The following ADAMTS6 variants were observed in gnomAD, a reference collection of about 807,000 sequenced individuals.
ADAMTS6 encodes A disintegrin and metalloproteinase with thrombospondin motifs 6.
ADAMTS6 carries 23 observed loss-of-function variants against 144.3 expected under a neutral mutation model. The observed-to-expected ratio is 0.16, with a 90% CI of 0.11 to 0.23. ADAMTS6 has a LOEUF of 0.23. Ranked by LOEUF, ADAMTS6 falls within the 10% of genes least tolerant of loss-of-function variation. The probability of loss-of-function intolerance (pLI) is 1.00; values close to 1 mark genes in which losing one functional copy is unlikely to be tolerated. For missense variants in ADAMTS6, 999 were observed against 1,379.6 expected (o/e 0.72, Z 4.37); for synonymous variants, 444 against 457.5 (o/e 0.97, Z 0.38).
chr5:65,386,223 CT>C (rs2150141362), intron 7 of ADAMTS6, among the ~76,000 whole-genome samples: 2 of 152,046 alleles, frequency 1.3e-5, no homozygotes, highest in African/African-American at 4.8e-5. Context: ...TCACATTTTT[CT>C]TTTTTTAAAA....
chr5:65,261,311 A>G (rs995529455), intron 13 of ADAMTS6, among the ~76,000 whole-genome samples: 6 of 152,212 alleles, frequency 3.9e-5, no homozygotes, highest in Admixed American at 1.3e-4. Context: ...TTTGACTAAT[A>G]TAAGTTAATC....
chr5:65,345,330 A>AT (rs1268432743), intron 7 of ADAMTS6, among the ~76,000 whole-genome samples: 1 of 151,830 alleles, frequency 6.6e-6, no homozygotes, highest in Non-Finnish European at 1.5e-5. Flanking sequence ...GAAAAAAATT[A>AT]TTTTTGAAGT....
At chr5:65,351,050 C>T (rs539270057) in intron 7 of ADAMTS6, among the ~76,000 whole-genome samples, 7 of 152,280 alleles carry the variant, frequency 4.6e-5, no homozygotes, top group African/African-American at 1.7e-4. Context: ...TTTCATAATT[C>T]TAATTTCAAA....
chr5:65,270,451 G>A (rs150564053), intron 12 of ADAMTS6, among the ~76,000 whole-genome samples: 26 of 152,282 alleles, frequency 1.7e-4, no homozygotes, highest in East Asian at 1.2e-3. Flanking sequence ...TTTTGCTCAC[G>A]TGTCTAGTTC....
chr5:65,433,076 T>C (rs977536084), intron 7 of ADAMTS6, among the ~76,000 whole-genome samples: 2 of 152,114 alleles, frequency 1.3e-5, no homozygotes, highest in Non-Finnish European at 2.9e-5. Flanking sequence ...ATGCACTGCC[T>C]TCTTCTTGAG....
chr5:65,460,426 C>G, intron 3 of ADAMTS6, 88 bp from the exon 4 acceptor site: 7 of 1,215,182 alleles, frequency 5.8e-6, no homozygotes, highest in African/African-American at 1.5e-5. Flanking sequence ...AGTAAATGGA[C>G]ACTTCTCCAT....
chr5:65,357,714 A>T (rs915905072), intron 7 of ADAMTS6, among the ~76,000 whole-genome samples: 1 of 151,878 alleles, frequency 6.6e-6, no homozygotes, highest in African/African-American at 2.4e-5. Context: ...GAAAAATTAT[A>T]TGGCAGCAAA....
chr5:65,313,588 A>C (rs913744491), intron 9 of ADAMTS6, among the ~76,000 whole-genome samples: 1 of 152,054 alleles, frequency 6.6e-6, no homozygotes, highest in Non-Finnish European at 1.5e-5. Flanking sequence ...AATCTGAAAA[A>C]TCTAAAAATT....
At chr5:65,348,626 A>C (rs1311807816) in intron 7 of ADAMTS6, among the ~76,000 whole-genome samples, 1 of 152,156 alleles carries the variant, frequency 6.6e-6, no homozygotes, top group Non-Finnish European at 1.5e-5. Flanking sequence ...ATATTTAAAA[A>C]TTACTAAGGA....
At chr5:65,449,836 A>C (rs1379504751) in intron 7 of ADAMTS6, among the ~76,000 whole-genome samples, 1 of 152,146 alleles carries the variant, frequency 6.6e-6, no homozygotes, top group African/African-American at 2.4e-5. Context: ...GTACTCTACT[A>C]CTTGAATACC....
chr5:65,290,243 G>T (rs1561383837), intron 11 of ADAMTS6, among the ~76,000 whole-genome samples: 2 of 152,094 alleles, frequency 1.3e-5, no homozygotes, highest in African/African-American at 4.8e-5. Flanking sequence ...GGATTTAAAA[G>T]ACTATTTGCA....
chr5:65,455,872 GTTA>G (rs1249385118), intron 4 of ADAMTS6, among the ~76,000 whole-genome samples: 1 of 151,708 alleles, frequency 6.6e-6, no homozygotes, highest in Non-Finnish European at 1.5e-5. Flanking sequence ...CATCATCTTT[GTTA>G]TTGTCAAAAT....
chr5:65,406,461 G>T (rs544349212), intron 7 of ADAMTS6, among the ~76,000 whole-genome samples: 1 of 152,032 alleles, frequency 6.6e-6, no homozygotes, highest in Non-Finnish European at 1.5e-5. Flanking sequence ...ATTGATTTGC[G>T]TATGTTAAAC....
chr5:65,375,056 T>C (rs1286746098), intron 7 of ADAMTS6, among the ~76,000 whole-genome samples: 1 of 152,186 alleles, frequency 6.6e-6, no homozygotes, highest in Non-Finnish European at 1.5e-5. Flanking sequence ...TGGCTAGCCA[T>C]ATGTAGAAAG....
At chr5:65,220,098 C>A (rs926149672) in intron 18 of ADAMTS6, among the ~76,000 whole-genome samples, 4 of 152,042 alleles carry the variant, frequency 2.6e-5, no homozygotes, top group African/African-American at 9.7e-5. Flanking sequence ...TGCACATGTG[C>A]TAGACTATAA....
intron 13 of ADAMTS6, among the ~76,000 whole-genome samples, chr5:65,261,630 C>G (rs1011248631): frequency 6.6e-6 from 1 of 152,082 alleles, no homozygotes; most frequent in Non-Finnish European, 1.5e-5. Context: ...AATGCTGACT[C>G]TAAGTAAGGA....
chr5:65,386,661 C>G (rs1752497554), intron 7 of ADAMTS6, among the ~76,000 whole-genome samples: 1 of 152,172 alleles, frequency 6.6e-6, no homozygotes, highest in South Asian at 2.1e-4. Context: ...GACCTTGACT[C>G]ACTGCAACCT....
chr5:65,273,155 T>G (rs1048284191), intron 12 of ADAMTS6, among the ~76,000 whole-genome samples, 185 bp downstream of exon 12: 5 of 152,230 alleles, frequency 3.3e-5, no homozygotes, highest in African/African-American at 4.8e-5. Flanking sequence ...TTACCAACTG[T>G]AATTTCCTAA....
intron 20 of ADAMTS6, chr5:65,210,510 T>TAA (rs1756447370): frequency 1.1e-5 from 4 of 367,490 alleles, no homozygotes; most frequent in Non-Finnish European, 1.5e-5. Flanking sequence ...GAGATGAATA[T>TAA]AATGTGGAAA....
Sources: gnomAD v4.1 joint callset for allele counts (sites outside exome capture counted in the v4.1 genomes callset) on GRCh38, gnomAD v4.1.1 for gene constraint, MANE v1.5 for transcripts, NCBI Gene and HGNC (gene_info 2026-07-23, HGNC 2026-07-21) for gene names.